Variants in GRK4 observed in about 807,000 individuals in gnomAD.
The protein encoded by GRK4 is G protein-coupled receptor kinase 2-like.
In GRK4, 73 loss-of-function variants were observed where a neutral mutation model predicts 77.9. The observed-to-expected ratio is 0.94, with a 90% CI of 0.78 to 1.14. The LOEUF is 1.14. GRK4 is among the 50% of genes most tolerant of loss of function. The pLI is 0.00. For missense variants in GRK4, 729 were observed against 700.2 expected (o/e 1.04, Z -0.46); for synonymous variants, 257 against 254.4 (o/e 1.01, Z -0.10).
intron 1 of GRK4, among the ~76,000 whole-genome samples, chr4:2,975,007 T>G (rs1720688854): frequency 6.6e-6 from 1 of 152,060 alleles, no homozygotes; most frequent in Non-Finnish European, 1.5e-5. Flanking sequence ...TAATCTCCCT[T>G]CAAAGACCAG....
intron 10 of GRK4, among the ~76,000 whole-genome samples, chr4:3,024,343 A>G (rs1578327313): frequency 1.3e-5 from 2 of 151,980 alleles, no homozygotes; most frequent in African/African-American, 4.8e-5. Flanking sequence ...CACAATTACA[A>G]CCTGAAACTC....
intron 4 of GRK4, among the ~76,000 whole-genome samples, chr4:2,992,695 G>C (rs543556066): frequency 2.6e-5 from 4 of 151,588 alleles, no homozygotes; most frequent in Non-Finnish European, 4.4e-5. Context: ...AAAATAAAAA[G>C]TAAGGCCAGG....
At chr4:3,036,021 A>G (rs968765229) in intron 13 of GRK4, among the ~76,000 whole-genome samples, 7 of 148,898 alleles carry the variant, frequency 4.7e-5, no homozygotes, top group African/African-American at 1.5e-4. Context: ...GGGTCTCCCT[A>G]TGTTGCCCAG....
chr4:3,018,900 C>T (rs1735284613), intron 8 of GRK4, among the ~76,000 whole-genome samples: 1 of 152,038 alleles, frequency 6.6e-6, no homozygotes, highest in South Asian at 2.1e-4. Context: ...GAAAGAAGGT[C>T]TAAATAAATA....
intron 4 of GRK4, among the ~76,000 whole-genome samples, chr4:2,993,832 C>T (rs1214590263): frequency 7.9e-5 from 12 of 152,202 alleles, no homozygotes; most frequent in African/African-American, 2.4e-5. Flanking sequence ...CAAGGTTACA[C>T]ACCTAGTAAG....
At chr4:2,995,104 A>T (rs1053669091) in intron 4 of GRK4, among the ~76,000 whole-genome samples, 3 of 152,178 alleles carry the variant, frequency 2.0e-5, no homozygotes, top group South Asian at 2.1e-4. Flanking sequence ...TCTTGCAAAG[A>T]ACATGATCGT....
intron 1 of GRK4, among the ~76,000 whole-genome samples, chr4:2,979,009 C>T (rs1675205636): frequency 6.6e-6 from 1 of 151,974 alleles, no homozygotes; most frequent in Non-Finnish European, 1.5e-5. Context: ...GCAGGCGGAT[C>T]ATGAGGTCAG....
intron 1 of GRK4, chr4:2,969,379 C>CT (rs113382194): frequency 0.37 from 50,758 of 138,960 alleles, 9,587 homozygotes; most frequent in African/African-American, 0.46. Flanking sequence ...TCTTTCTTTT[C>CT]TTTTTTTTTT....
At chr4:3,003,571 A>G (rs1432232256) in intron 4 of GRK4, among the ~76,000 whole-genome samples, 1 of 152,148 alleles carries the variant, frequency 6.6e-6, no homozygotes, top group African/African-American at 2.4e-5. Context: ...TTTTTTTAAA[A>G]GGCTGAATAA....
chr4:3,015,142 G>A (rs1734066286), intron 8 of GRK4, among the ~76,000 whole-genome samples: 2 of 152,276 alleles, frequency 1.3e-5, no homozygotes, highest in African/African-American at 4.8e-5. Flanking sequence ...CAGGCTTTAC[G>A]GTGTGCATTG....
At chr4:2,988,571 G>GAAAC (rs1553879878) in intron 2 of GRK4, among the ~76,000 whole-genome samples, 156 bp from the exon 3 acceptor site, 9 of 149,658 alleles carry the variant, frequency 6.0e-5, no homozygotes, top group African/African-American at 1.5e-4. Flanking sequence ...GAGACTGTCT[G>GAAAC]AAACAAACAA....
At chr4:3,035,646 A>C (rs1448305923) in intron 13 of GRK4, 123 bp downstream of exon 13, 1 of 1,110,434 alleles carries the variant, frequency 9.0e-7, no homozygotes, top group Non-Finnish European at 1.3e-6. Context: ...CTGGTCTTGC[A>C]CTCCTGGCCT....
chr4:3,010,119 C>T (rs745774757), intron 7 of GRK4, among the ~76,000 whole-genome samples: 1 of 152,098 alleles, frequency 6.6e-6, no homozygotes, highest in Non-Finnish European at 1.5e-5. Context: ...TGTTTGGACA[C>T]GTATGTACCT....
chr4:2,984,538 T>C lies in GRK4; in HGVS notation c.78T>C (p.Arg26=), dbSNP rs1316015764. ...RQGGYGKKSG[R]SKKWKEILTL... ...GAGGATATGGCAAAAAAAGTGGTCGTAGTAAAAAATGGAAGGAGATACTGA... is the reference window on the plus strand; with the variant it reads ...GAGGATATGGCAAAAAAAGTGGTCGCAGTAAAAAATGGAAGGAGATACTGA... The change falls in exon 2 of 16, where the codon CGT becomes CGC. Residue 26 remains arginine (R), a synonymous_variant. Transcript: ENST00000398052. 1.2e-6 allele frequency: 2 copies of C among 1,612,992 alleles called. No individual in the cohort carries two copies. The highest frequency in any genetic ancestry group is 8.5e-7 in the Non-Finnish European group (1 of 1,179,316).
chr4:2,992,968 A>G (rs1184990563), intron 4 of GRK4, among the ~76,000 whole-genome samples: 1 of 152,152 alleles, frequency 6.6e-6, no homozygotes, highest in Non-Finnish European at 1.5e-5. Context: ...TGGACAAGAG[A>G]GTAAGACCCT....
At chr4:3,025,538 C>T (rs879771409) in intron 10 of GRK4, among the ~76,000 whole-genome samples, 6 of 151,124 alleles carry the variant, frequency 4.0e-5, no homozygotes, top group African/African-American at 9.7e-5. Context: ...TACAGGCGCC[C>T]GCCACCACGC....
At chr4:3,029,070 C>T in intron 11 of GRK4, 131 bp from the exon 12 acceptor site, 1 of 726,204 alleles carries the variant, frequency 1.4e-6, no homozygotes, top group Non-Finnish European at 2.3e-6. Context: ...CCGCTCCCAG[C>T]CTTAACATAA....
Position 2,963,624 on chromosome 4 carries a change from G to T in GRK4, c.-447G>T, listed in dbSNP as rs1369857819. ...CGCTCCCTCTTCAGCTAAGCCGTTA[G>T]CGCCGAGCCCGCCCGGGAGCGGGTC... is the stretch of plus-strand genomic sequence containing the variant. On this transcript the variant is annotated 5_prime_UTR_variant, in exon 1 of 16. Coordinates refer to ENST00000398052, the MANE Select transcript of GRK4 (RefSeq NM_182982.3). 1.8e-5 allele frequency: 7 copies of T among 398,286 alleles called. No individual in the cohort carries two copies. Among genetic ancestry groups the T allele is most frequent in the African/African-American group, 4.2e-5 (2 of 47,392 alleles). 24.7% of individuals were successfully genotyped at this position (398,286 alleles called of 1,614,324 possible).
At chr4:3,011,973 T>C (rs1371637919) in intron 7 of GRK4, among the ~76,000 whole-genome samples, 1 of 152,192 alleles carries the variant, frequency 6.6e-6, no homozygotes, top group African/African-American at 2.4e-5. Flanking sequence ...GTCGTATCAC[T>C]TCCAGCAGCG....
Sources: allele counts gnomAD v4.1 joint callset (sites outside exome capture counted in the v4.1 genomes callset), GRCh38; gene constraint gnomAD v4.1.1; transcripts MANE v1.5; gene names NCBI Gene and HGNC (gene_info 2026-07-23, HGNC 2026-07-21).